The following UTP25 variants were observed in gnomAD, a reference collection of about 807,000 sequenced individuals.
UTP25 encodes the protein UTP25 small subunit processome component, also known as U3 small nucleolar RNA-associated protein 25 homolog.
A neutral mutation model predicts 78.9 loss-of-function variants in UTP25; 50 were observed. That is an observed-to-expected ratio of 0.63 (90% confidence interval 0.50 to 0.80). The LOEUF (loss-of-function observed/expected upper bound fraction) is 0.80. UTP25 is among the 30% of genes least tolerant of loss of function. The probability of loss-of-function intolerance (pLI) is 0.00; values close to 1 mark genes in which losing one functional copy is unlikely to be tolerated. For missense variants in UTP25, 846 were observed against 911.3 expected (o/e 0.93, Z 0.92); for synonymous variants, 329 against 336.5 (o/e 0.98, Z 0.24).
rs369659012 is a variant in UTP25 at position 209,843,472 on chromosome 1, G to C, written c.1803G>C (p.Lys601Asn). The change falls in exon 11 of 12, where the codon AAG (lysine) becomes AAC (asparagine). Residue 601 changes from lysine to asparagine, a missense_variant. Transcript: ENST00000491415. ...IDARFNFFVN[K>N]ILPQYRDAVM... Reference sequence around the variant, plus strand: ...TCAGGTTTAACTTTTTTGTGAACAAGATTTTGCCACAGTATCGTGATGCAG... The same window carrying C: ...TCAGGTTTAACTTTTTTGTGAACAACATTTTGCCACAGTATCGTGATGCAG... 5 of 1,613,918 alleles carry C rather than the reference G, an allele frequency of 3.1e-6. No homozygotes were observed. The highest frequency in any genetic ancestry group is 4.2e-6 in the Non-Finnish European group (5 of 1,179,924).
chr1:209,849,293 C>T (rs1482737051), intron 11 of UTP25, among the ~76,000 whole-genome samples: 2 of 152,134 alleles, frequency 1.3e-5, no homozygotes, highest in Non-Finnish European at 2.9e-5. Context: ...TATACAGCTT[C>T]TTCCCTAATC....
At chr1:209,837,287 A>G in intron 6 of UTP25, 76 bp downstream of exon 6, 2 of 1,488,604 alleles carry the variant, frequency 1.3e-6, no homozygotes, top group South Asian at 2.6e-5. Flanking sequence ...GACACTTAGC[A>G]GGAACTTGGG....
chr1:209,844,113 G>A (rs2078182644), intron 11 of UTP25: 2 of 174,510 alleles, frequency 1.1e-5, no homozygotes, highest in Non-Finnish European at 2.5e-5. Context: ...GTTTTCTGGG[G>A]AGATGGAGGC....
At chr1:209,833,534 T>A (rs2078115220) in intron 4 of UTP25, among the ~76,000 whole-genome samples, 176 bp downstream of exon 4, 1 of 152,022 alleles carries the variant, frequency 6.6e-6, no homozygotes, top group Non-Finnish European at 1.5e-5. Flanking sequence ...TGTTTAGGGG[T>A]TGGACGGGAC....
In UTP25 at chr1:209,828,006, A is replaced by G; in HGVS notation, c.-58A>G. 2 of 1,394,370 alleles carry G rather than the reference A, an allele frequency of 1.4e-6. No homozygotes were observed. Among genetic ancestry groups the G allele is most frequent in the Non-Finnish European group, 2.0e-6 (2 of 980,102 alleles). 86.4% of individuals were successfully genotyped at this position (1,394,370 alleles called of 1,614,324 possible). On this transcript the variant is annotated 5_prime_UTR_variant, in exon 1 of 12. Coordinates refer to ENST00000491415, the MANE Select transcript of UTP25 (RefSeq NM_014388.7). ...GAGCCCACGTGCTTGTGTTGACTGG[A>G]CAACTTCCTGGTGGAAAACCGCGAC...
chr1:209,851,141 T>C, intron 11 of UTP25, 63 bp from the exon 12 acceptor site: 1 of 1,559,538 alleles, frequency 6.4e-7, no homozygotes, highest in Non-Finnish European at 8.7e-7. Context: ...GTACAACTCC[T>C]AGGTAGTTTT....
intron 3 of UTP25, 47 bp downstream of exon 3, chr1:209,831,090 C>T (rs768991542): frequency 1.3e-6 from 2 of 1,592,518 alleles, no homozygotes; most frequent in East Asian, 2.2e-5. Context: ...GAACTATAGA[C>T]AGTTCATCTC....
chr1:209,834,593 ACT>A (rs16679), intron 4 of UTP25, among the ~76,000 whole-genome samples: 103,579 of 151,850 alleles, frequency 0.68, 36,017 homozygotes, highest in Non-Finnish European at 0.75. Context: ...GAAAGTGATG[ACT>A]CTAGGGAACA....
At chr1:209,841,380 G>T (rs955199860) in intron 8 of UTP25, among the ~76,000 whole-genome samples, 1 of 152,152 alleles carries the variant, frequency 6.6e-6, no homozygotes, top group South Asian at 2.1e-4. Flanking sequence ...GGATGGATGG[G>T]TCCTCACCAG....
Position 209,830,958 on chromosome 1 carries a change from T to C in UTP25, c.303T>C (p.Asp101=). The C allele has an allele frequency of 6.2e-7, 1 of 1,613,936 alleles. No individual in the cohort carries two copies. The highest frequency in any genetic ancestry group is 1.1e-5 in the South Asian group (1 of 91,084). ...AAGAGGAAGAAGACAGTATTGTAGA[T>C]GATGCAGAAATGAACGATGAAGATG... is the stretch of plus-strand genomic sequence containing the variant. ...EEEEEEDSIV[D]DAEMNDEDGG... The change falls in exon 3 of 12, where the codon GAT becomes GAC. Residue 101 remains aspartate, a synonymous_variant. Coordinates refer to ENST00000491415, the MANE Select transcript of UTP25 (RefSeq NM_014388.7).
chr1:209,830,457 T>A (rs1183940781), intron 2 of UTP25, among the ~76,000 whole-genome samples: 1 of 143,736 alleles, frequency 7.0e-6, no homozygotes, highest in East Asian at 2.0e-4. Context: ...GAGTCACAAA[T>A]ACAGTGCAAA....
intron 7 of UTP25, 134 bp downstream of exon 7, chr1:209,839,262 C>A: frequency 1.2e-6 from 1 of 860,506 alleles, no homozygotes; most frequent in Non-Finnish European, 1.8e-6. Context: ...GCCTTTGAGA[C>A]ATGTTGTTTG....
intron 4 of UTP25, among the ~76,000 whole-genome samples, chr1:209,834,155 G>T (rs2078118802): frequency 6.6e-6 from 1 of 152,168 alleles, no homozygotes; most frequent in Non-Finnish European, 1.5e-5. Flanking sequence ...AGAAACTTTG[G>T]AGGAAACATT....
At chr1:209,835,207 T>G in intron 5 of UTP25, 44 bp downstream of exon 5, 33 of 1,546,036 alleles carry the variant, frequency 2.1e-5, no homozygotes, top group African/African-American at 2.7e-5. Context: ...GAGAAAGCTC[T>G]AAATAAAACA....
chr1:209,846,111 TCCCAA>T (rs1345603507), intron 11 of UTP25, among the ~76,000 whole-genome samples: 1 of 152,148 alleles, frequency 6.6e-6, no homozygotes, highest in Non-Finnish European at 1.5e-5. Context: ...CACTTCAGCC[TCCCAA>T]GAAGTGTTGG....
intron 10 of UTP25, 87 bp from the exon 11 acceptor site, chr1:209,843,364 A>T (rs1415543): frequency 0.18 from 262,334 of 1,496,548 alleles, 24,393 homozygotes; most frequent in South Asian, 0.22. Flanking sequence ...TTAACACGAG[A>T]TTGTAATTTG....
Position 209,830,984 on chromosome 1 carries a change from G to A in UTP25, c.329G>A (p.Gly110Asp), listed in dbSNP as rs984070437. Residue 110 changes from glycine (G) to aspartate (D), a missense_variant, in exon 3 of 12, where the codon GGT becomes GAT. Transcript: ENST00000491415. ...VDDAEMNDED[G>D]GSDVSVEEEM... is the part of the protein sequence containing the mutation. ...GATGCAGAAATGAACGATGAAGATGGTGGTAGCGATGTCAGTGTGGAAGAA... is the reference window on the plus strand; with the variant it reads ...GATGCAGAAATGAACGATGAAGATGATGGTAGCGATGTCAGTGTGGAAGAA... The A allele has an allele frequency of 1.2e-6, 2 of 1,613,956 alleles. No homozygotes were observed. The highest frequency in any genetic ancestry group is 2.7e-5 in the African/African-American group (2 of 74,888).
At chr1:209,850,261 G>T (rs146008260) in intron 11 of UTP25, among the ~76,000 whole-genome samples, 29 of 152,282 alleles carry the variant, frequency 1.9e-4, no homozygotes, top group Non-Finnish European at 3.2e-4. Flanking sequence ...GTTTATTCAA[G>T]TTCATTAGCC....
intron 6 of UTP25, 164 bp from the exon 7 acceptor site, chr1:209,838,744 TG>T: frequency 1.4e-6 from 1 of 728,942 alleles, no homozygotes; most frequent in Non-Finnish European, 2.4e-6. Flanking sequence ...GCTCAGTTTC[TG>T]GTGTTGAGCC....
Sources: allele counts gnomAD v4.1 joint callset (sites outside exome capture counted in the v4.1 genomes callset), GRCh38; gene constraint gnomAD v4.1.1; transcripts MANE v1.5; gene names NCBI Gene and HGNC (gene_info 2026-07-23, HGNC 2026-07-21).